The following PHF21A variants were observed in gnomAD, a reference collection of about 807,000 sequenced individuals.
The protein encoded by PHF21A is PHD finger protein 21A.
Under a neutral mutation model 82.5 loss-of-function variants are expected in PHF21A, and 11 were observed. The ratio of observed to expected loss-of-function variants is 0.13; its 90% CI spans 0.08 to 0.22. The LOEUF (loss-of-function observed/expected upper bound fraction) is 0.22. Among genes scored for constraint, PHF21A ranks in the 10% least tolerant of loss-of-function variants. The probability of loss-of-function intolerance (pLI) is 1.00; values close to 1 mark genes in which losing one functional copy is unlikely to be tolerated. For synonymous variants in PHF21A, 297 were observed against 302.8 expected (o/e 0.98, Z 0.20); for missense variants, 579 against 837.8 (o/e 0.69, Z 3.81).
rs554578381 is a variant in PHF21A at position 46,116,083 on chromosome 11, G to C, written c.-237+4852C>G. Among the ~76,000 whole-genome samples the C allele has an allele frequency of 7.2e-5, 11 of 152,180 alleles. No homozygotes were observed. The South Asian group carries it at 2.3e-3, about 32-fold the overall frequency. On this transcript the variant is annotated intron_variant, in intron 1 of 18. Coordinates refer to ENST00000676320, the MANE Select transcript of PHF21A (RefSeq NM_001352027.3). ...CTTTTGATAGGCTCATAAACACAGG[G>C]TTCCTAATTATCTATATTTTACTTT...
chr11:46,017,054 T>C (rs1224679764), intron 6 of PHF21A, among the ~76,000 whole-genome samples: 1 of 152,034 alleles, frequency 6.6e-6, no homozygotes, highest in Admixed American at 6.6e-5. Flanking sequence ...CACTGAAACC[T>C]CTGCCTCCCA....
intron 18 of PHF21A, chr11:45,935,083 C>T (rs754325904): frequency 7.8e-7 from 1 of 1,284,974 alleles, no homozygotes; most frequent in South Asian, 1.2e-5. Context: ...ATACAACCCT[C>T]TTTCCCACTT....
At chr11:46,097,316 C>G (rs2097013716) in intron 1 of PHF21A, among the ~76,000 whole-genome samples, 1 of 152,150 alleles carries the variant, frequency 6.6e-6, no homozygotes, top group African/African-American at 2.4e-5. Context: ...CCCACAGGCA[C>G]TGAGTGATTT....
At chr11:45,979,339 T>G (rs2094180977) in intron 7 of PHF21A, among the ~76,000 whole-genome samples, 1 of 152,110 alleles carries the variant, frequency 6.6e-6, no homozygotes, top group African/African-American at 2.4e-5. Flanking sequence ...TCCAAATGCT[T>G]CTTTCTATCT....
intron 9 of PHF21A, 54 bp downstream of exon 9, chr11:45,969,761 T>G: frequency 6.9e-5 from 83 of 1,201,206 alleles, no homozygotes; most frequent in Non-Finnish European, 8.9e-5. Context: ...AAAGAGCCCA[T>G]GAGGATTTCT....
In PHF21A at chr11:45,961,636, G is replaced by A. The variant is rs911807574; in HGVS notation, c.996+3679C>T. Among the ~76,000 whole-genome samples the A allele has an allele frequency of 1.1e-4, 4 of 35,054 alleles. No homozygotes were observed. In the South Asian group the frequency reaches 4.3e-3, roughly 38 times the overall value. 23.0% of individuals were successfully genotyped at this position (35,054 alleles called of 152,430 possible). A position where few individuals can be genotyped will look rare whatever the true frequency, so the allele number is the denominator to read the frequency against. Reference sequence around the variant, plus strand: ...TTTTTTTCAGTAGCTCTGAATTGACGACATGTTACATAGAAGTCTTTGTTG... The same window carrying A: ...TTTTTTTCAGTAGCTCTGAATTGACAACATGTTACATAGAAGTCTTTGTTG... On this transcript the variant is annotated intron_variant, in intron 10 of 18. Transcript: ENST00000676320.
At position 45,932,492 on chromosome 11, in the gene PHF21A, G is replaced by A. The variant is rs775855709; in HGVS notation, c.*1476C>T. The A allele has an allele frequency of 6.6e-6, 1 of 152,406 alleles. No individual in the cohort carries two copies. The highest frequency in any genetic ancestry group is 1.5e-5 in the Non-Finnish European group (1 of 68,042). The allele number at this position is 152,406 out of a possible 1,614,324, so 9.4% of individuals were successfully genotyped here. ...AAGGAGACTGGCCCACCAGTCTAGA[G>A]ACACACACACGGCAAAATGTCATCG... is the stretch of plus-strand genomic sequence containing the variant. On this transcript the variant is annotated 3_prime_UTR_variant, in exon 19 of 19. Coordinates refer to ENST00000676320, the MANE Select transcript of PHF21A (RefSeq NM_001352027.3). This position sits in a 1 kb window ranked among gnomAD's most constrained non-coding sequence, Gnocchi z 4.3.
chr11:46,010,867 G>A (rs1036475360), intron 6 of PHF21A, among the ~76,000 whole-genome samples: 23 of 152,062 alleles, frequency 1.5e-4, no homozygotes, highest in African/African-American at 5.3e-4. Flanking sequence ...ATTGTTGGGG[G>A]CAATTAAAGT....
At chr11:45,952,296 C>CCT (rs2092228585) in intron 11 of PHF21A, among the ~76,000 whole-genome samples, 1 of 152,178 alleles carries the variant, frequency 6.6e-6, no homozygotes, top group Non-Finnish European at 1.5e-5. Flanking sequence ...GGCTGGAGTG[C>CCT]AGTGGCACCA....
intron 6 of PHF21A, among the ~76,000 whole-genome samples, chr11:46,023,792 C>A: frequency 6.6e-6 from 1 of 152,102 alleles, no homozygotes; most frequent in East Asian, 1.9e-4. Flanking sequence ...CCTGTTTCTA[C>A]TAAAAATACA....
At chr11:46,067,510 G>A (rs1348858596) in intron 6 of PHF21A, among the ~76,000 whole-genome samples, 2 of 151,364 alleles carry the variant, frequency 1.3e-5, no homozygotes, top group African/African-American at 4.9e-5. Flanking sequence ...AGATAAAGCT[G>A]CTCTAAATTG....
chr11:46,017,928 C>A (rs1435159638), intron 6 of PHF21A, among the ~76,000 whole-genome samples: 2 of 152,116 alleles, frequency 1.3e-5, no homozygotes, highest in African/African-American at 2.4e-5. Flanking sequence ...TGGTTAAATT[C>A]ATTACTCTAA....
chr11:45,948,935 A>G lies in PHF21A; in HGVS notation c.1239T>C (p.Ser413=). The part of the protein sequence containing the change: ...GAVFEPERKK[S]AVTYLNSTMH... ...TTGTGCTGTTTAGGTATGTCACTGC[A>G]CTCTTCTTACGCTTTGAGGGTTGAA... is the stretch of plus-strand genomic sequence containing the variant. The change falls in exon 14 of 19, where the codon AGT becomes AGC. Residue 413 remains serine, a synonymous_variant. Transcript: ENST00000676320. 1 of 1,613,750 alleles carries G rather than the reference A, an allele frequency of 6.2e-7. No homozygotes were observed. The highest frequency in any genetic ancestry group is 1.1e-5 in the South Asian group (1 of 91,064).
chr11:46,121,154 T>TC lies in PHF21A; in HGVS notation c.-457dup. The TC allele has an allele frequency of 7.6e-6, 1 of 131,716 alleles. No individual in the cohort carries two copies. Among genetic ancestry groups the TC allele is most frequent in the East Asian group, 2.4e-4 (1 of 4,238 alleles). 8.2% of individuals were successfully genotyped at this position (131,716 alleles called of 1,614,324 possible). On this transcript the variant is annotated 5_prime_UTR_variant, in exon 1 of 19. Coordinates refer to ENST00000676320, the MANE Select transcript of PHF21A (RefSeq NM_001352027.3). Reference sequence around the variant, plus strand: ...GTTCCCTTCTCCCTCCTCCTCCTCCTCCTCTCCTCTCCTCTCTCTCTCACT... The same window carrying TC: ...GTTCCCTTCTCCCTCCTCCTCCTCCTCCCTCTCCTCTCCTCTCTCTCTCACT...
At chr11:45,955,423 T>C (rs1325704508) in intron 10 of PHF21A, among the ~76,000 whole-genome samples, 4 of 152,200 alleles carry the variant, frequency 2.6e-5, no homozygotes, top group East Asian at 3.8e-4. Context: ...CATGTCTCTT[T>C]GAATAGGAAG....
chr11:45,950,171 G>GA, intron 12 of PHF21A, 35 bp downstream of exon 12: 4 of 1,525,170 alleles, frequency 2.6e-6, no homozygotes, highest in Non-Finnish European at 3.6e-6. Context: ...CTGTGGGCCA[G>GA]AAAAAAAGGC....
chr11:46,037,638 C>T, intron 6 of PHF21A, among the ~76,000 whole-genome samples: 1 of 107,110 alleles, frequency 9.3e-6, no homozygotes, highest in South Asian at 3.2e-4. Context: ...GAAACGTCAT[C>T]TCAAAAAAAA....
chr11:46,068,134 G>C (rs1052226637), intron 6 of PHF21A, among the ~76,000 whole-genome samples: 1 of 152,130 alleles, frequency 6.6e-6, no homozygotes, highest in African/African-American at 2.4e-5. Context: ...GTTGCTAAAG[G>C]TATCAGTGCT....
At chr11:46,062,449 CTT>C (rs200196294) in intron 6 of PHF21A, among the ~76,000 whole-genome samples, 1 of 151,240 alleles carries the variant, frequency 6.6e-6, no homozygotes, top group East Asian at 1.9e-4. Context: ...GTTTTCCAAC[CTT>C]TTTTTTTAAA....
Sources: allele counts gnomAD v4.1 joint callset (sites outside exome capture counted in the v4.1 genomes callset), GRCh38; gene constraint gnomAD v4.1.1; non-coding constraint Gnocchi (gnomAD v3.1); transcripts MANE v1.5; gene names NCBI Gene and HGNC (gene_info 2026-07-23, HGNC 2026-07-21).